The following WWOX variants were observed in gnomAD, a reference collection of about 807,000 sequenced individuals.
WWOX encodes WW domain containing oxidoreductase, also known as WW domain-containing oxidoreductase.
A neutral mutation model predicts 46.2 loss-of-function variants in WWOX; 69 were observed. That is an observed-to-expected ratio of 1.49 (90% confidence interval 1.23 to 1.82). The LOEUF (loss-of-function observed/expected upper bound fraction) is 1.82. WWOX is among the 40% of genes most tolerant of loss of function. The pLI, the probability that WWOX is intolerant of heterozygous loss-of-function variation, is 0.00. For missense variants in WWOX, 919 were observed against 542.6 expected, an observed-to-expected ratio of 1.69 and a Z score of -6.89; for synonymous variants, 359 against 202.6, an observed-to-expected ratio of 1.77 and a Z score of -6.56.
chr16:78,466,987 C>T (rs1471775977), intron 8 of WWOX, among the ~76,000 whole-genome samples: 2 of 151,748 alleles, frequency 1.3e-5, no homozygotes, highest in African/African-American at 4.9e-5. Context: ...GATCCCTACC[C>T]TGCATGGGGT....
chr16:78,435,244 G>GC (rs1321266258), intron 8 of WWOX, among the ~76,000 whole-genome samples: 1 of 152,120 alleles, frequency 6.6e-6, no homozygotes, highest in African/African-American at 2.4e-5. Context: ...AACTCAGTGA[G>GC]CACCGTACCT....
intron 4 of WWOX, chr16:78,124,364 A>T (rs1200448145): frequency 6.6e-6 from 1 of 152,218 alleles, no homozygotes; most frequent in Non-Finnish European, 1.5e-5. Flanking sequence ...TATAGACTTC[A>T]TAATAAATAA....
intron 5 of WWOX, among the ~76,000 whole-genome samples, chr16:78,373,418 A>T (rs1365276640): frequency 6.6e-6 from 1 of 152,160 alleles, no homozygotes; most frequent in Non-Finnish European, 1.5e-5. Flanking sequence ...AGTATGGGGA[A>T]CCCAATTCAT....
chr16:78,945,809 C>G (rs562382035), intron 8 of WWOX, among the ~76,000 whole-genome samples: 1 of 152,132 alleles, frequency 6.6e-6, no homozygotes, highest in East Asian at 1.9e-4. Context: ...CAGAAGCTGT[C>G]TTTAGTTCGT....
intron 8 of WWOX, among the ~76,000 whole-genome samples, chr16:78,970,204 G>T (rs1421853593): frequency 6.6e-6 from 1 of 152,116 alleles, no homozygotes; most frequent in Non-Finnish European, 1.5e-5. Flanking sequence ...CCCTTTGAAA[G>T]CCATTAGCTC....
chr16:78,452,255 A>C (rs1350513572), intron 8 of WWOX, among the ~76,000 whole-genome samples: 3 of 152,204 alleles, frequency 2.0e-5, no homozygotes, highest in Non-Finnish European at 4.4e-5. Context: ...CCTTTGAACA[A>C]ATGGATATTT....
intron 8 of WWOX, among the ~76,000 whole-genome samples, chr16:79,139,805 G>A (rs1437035834): frequency 6.6e-6 from 1 of 152,158 alleles, no homozygotes; most frequent in Admixed American, 6.5e-5. Context: ...ATGTCCCTGG[G>A]CACTTGCCCG....
chr16:78,947,679 G>A (rs564014380), intron 8 of WWOX, among the ~76,000 whole-genome samples: 16 of 152,292 alleles, frequency 1.1e-4, no homozygotes, highest in African/African-American at 3.8e-4. Context: ...GTTCAATAAA[G>A]CAATTGCTTT....
chr16:78,767,411 T>A (rs1302242487), intron 8 of WWOX, among the ~76,000 whole-genome samples: 1 of 151,982 alleles, frequency 6.6e-6, no homozygotes, highest in Non-Finnish European at 1.5e-5. Flanking sequence ...CTGAGATGAC[T>A]GCGCCACCAC....
intron 5 of WWOX, among the ~76,000 whole-genome samples, chr16:78,270,756 A>T (rs938250127): frequency 6.6e-6 from 1 of 152,186 alleles, no homozygotes; most frequent in African/African-American, 2.4e-5. Flanking sequence ...AAAGGTAGGA[A>T]TGAACCAATT....
chr16:78,666,800 A>G (rs1361977957), intron 8 of WWOX, among the ~76,000 whole-genome samples: 2 of 152,210 alleles, frequency 1.3e-5, no homozygotes, highest in African/African-American at 2.4e-5. Context: ...GAGGAGATCT[A>G]GAAAGAAGAG....
At chr16:78,947,597 G>A (rs1238367997) in intron 8 of WWOX, among the ~76,000 whole-genome samples, 1 of 152,194 alleles carries the variant, frequency 6.6e-6, no homozygotes, top group Non-Finnish European at 1.5e-5. Context: ...ATAAGGCAGG[G>A]GTGTCTGTCC....
intron 8 of WWOX, among the ~76,000 whole-genome samples, chr16:78,824,761 C>T (rs976524728): frequency 1.3e-5 from 2 of 152,108 alleles, no homozygotes; most frequent in African/African-American, 2.4e-5. Flanking sequence ...TGAGTTACCT[C>T]GCCCTGGGTC....
At chr16:78,393,082 T>G (rs1470624057) in intron 6 of WWOX, among the ~76,000 whole-genome samples, 2 of 152,186 alleles carry the variant, frequency 1.3e-5, no homozygotes, top group African/African-American at 4.8e-5. Flanking sequence ...GGGATATTTT[T>G]GTTTAAACTG....
intron 8 of WWOX, chr16:79,206,709 T>A (rs943711171): frequency 2.0e-5 from 3 of 152,186 alleles, no homozygotes; most frequent in African/African-American, 7.2e-5. Context: ...AGTTGGTGTG[T>A]TCGTTGGTTA....
At chr16:78,596,996 C>G (rs770968652) in intron 8 of WWOX, among the ~76,000 whole-genome samples, 6 of 152,166 alleles carry the variant, frequency 3.9e-5, no homozygotes, top group Non-Finnish European at 5.9e-5. Context: ...AAGACAAATC[C>G]TTTGAGCCTC....
chr16:78,813,031 TTTC>T (rs1449410563), intron 8 of WWOX, among the ~76,000 whole-genome samples: 1 of 152,060 alleles, frequency 6.6e-6, no homozygotes, highest in African/African-American at 2.4e-5. Flanking sequence ...ACCCATGTAA[TTTC>T]TTATTTCCGT....
Position 78,413,689 on chromosome 16 carries a change from C to T in WWOX, c.606-11181C>T, listed in dbSNP as rs145624182. ...TGGGGATATGATGGCTTAGCCTGGG[C>T]TCAGAGGCCTGACACTGATTTGTTG... On this transcript the variant is annotated intron_variant, in intron 6 of 8. Coordinates refer to ENST00000566780, the MANE Select transcript of WWOX (RefSeq NM_016373.4). 7.9e-5 allele frequency among the ~76,000 whole-genome samples: 12 copies of T among 151,594 alleles called. No individual in the cohort carries two copies. The East Asian group carries it at 2.2e-3, about 28-fold the overall frequency.
chr16:78,841,598 T>G (rs1242391746), intron 8 of WWOX, among the ~76,000 whole-genome samples: 1 of 152,246 alleles, frequency 6.6e-6, no homozygotes, highest in East Asian at 1.9e-4. Flanking sequence ...TTTCAAAATG[T>G]TAAGTATTAT....
Sources: gnomAD v4.1 joint callset for allele counts (sites outside exome capture counted in the v4.1 genomes callset) on GRCh38, gnomAD v4.1.1 for gene constraint, MANE v1.5 for transcripts, NCBI Gene and HGNC (gene_info 2026-07-23, HGNC 2026-07-21) for gene names.